Variants in SMYD3 observed in about 807,000 individuals in gnomAD.
SMYD3 encodes the protein SET and MYND domain containing 3.
Under a neutral mutation model 57.7 loss-of-function variants are expected in SMYD3, and 36 were observed. That is an observed-to-expected ratio of 0.62 (90% CI 0.48 to 0.82). The LOEUF is 0.82. SMYD3 is among the 40% of genes least tolerant of loss of function. The pLI is 0.00. For synonymous variants in SMYD3, 211 were observed against 195.0 expected (o/e 1.08, Z -0.68); for missense variants, 515 against 538.8 (o/e 0.96, Z 0.44).
intron 5 of SMYD3, among the ~76,000 whole-genome samples, chr1:246,256,656 G>A (rs2063900219): frequency 1.3e-5 from 2 of 152,050 alleles, no homozygotes; most frequent in Non-Finnish European, 2.9e-5. Context: ...TAATTTCTGG[G>A]TCTCAATTTC....
At chr1:246,110,641 C>T (rs2061218402) in intron 5 of SMYD3, among the ~76,000 whole-genome samples, 1 of 152,224 alleles carries the variant, frequency 6.6e-6, no homozygotes, top group Non-Finnish European at 1.5e-5. Context: ...TCTTTGGGTG[C>T]AAGCACGCCT....
chr1:246,447,013 A>G (rs1388859599), intron 1 of SMYD3, among the ~76,000 whole-genome samples: 1 of 145,962 alleles, frequency 6.9e-6, no homozygotes, highest in Non-Finnish European at 1.5e-5. Flanking sequence ...TCGGTGACAG[A>G]GCCAGACTCC....
chr1:246,098,662 T>G (rs1370953172), intron 5 of SMYD3, among the ~76,000 whole-genome samples: 1 of 152,224 alleles, frequency 6.6e-6, no homozygotes, highest in East Asian at 1.9e-4. Context: ...ATTAACAAAA[T>G]TATGTTCATC....
At chr1:246,212,080 T>C (rs1286113082) in intron 5 of SMYD3, among the ~76,000 whole-genome samples, 1 of 152,052 alleles carries the variant, frequency 6.6e-6, no homozygotes, top group Non-Finnish European at 1.5e-5. Flanking sequence ...AAACACTCAA[T>C]ACTGGTAAGG....
intron 1 of SMYD3, among the ~76,000 whole-genome samples, chr1:246,504,581 T>C (rs74332128): frequency 0.01 from 1,533 of 152,354 alleles, 24 homozygotes; most frequent in African/African-American, 0.034. Flanking sequence ...ACTGTAATTA[T>C]CATCAATATC....
chr1:245,907,810 A>C (rs1558481649), intron 8 of SMYD3, among the ~76,000 whole-genome samples: 7 of 152,060 alleles, frequency 4.6e-5, no homozygotes. Flanking sequence ...TGCTGCCTAC[A>C]AAAAAAATCA....
intron 5 of SMYD3, among the ~76,000 whole-genome samples, chr1:245,931,469 G>C (rs777852047): frequency 2.0e-5 from 3 of 152,228 alleles, no homozygotes; most frequent in East Asian, 1.9e-4. Context: ...AATTTAACAG[G>C]AACAAATTTG....
At chr1:246,183,142 G>A (rs975307194) in intron 5 of SMYD3, among the ~76,000 whole-genome samples, 1 of 152,054 alleles carries the variant, frequency 6.6e-6, no homozygotes, top group African/African-American at 2.4e-5. Context: ...GGTAGCTAAA[G>A]TGTTTCACAT....
chr1:246,394,899 G>A (rs895479035), intron 1 of SMYD3, among the ~76,000 whole-genome samples: 1 of 148,416 alleles, frequency 6.7e-6, no homozygotes, highest in East Asian at 2.0e-4. Context: ...ACCCCCAAAC[G>A]TAGCTATGCT....
intron 8 of SMYD3, among the ~76,000 whole-genome samples, chr1:245,882,924 G>A (rs1220789916): frequency 6.6e-6 from 1 of 152,164 alleles, no homozygotes; most frequent in Non-Finnish European, 1.5e-5. Flanking sequence ...AGACTTATAT[G>A]GGCAAACTGT....
intron 1 of SMYD3, among the ~76,000 whole-genome samples, chr1:246,390,379 A>T (rs2066541297): frequency 6.6e-6 from 1 of 152,112 alleles, no homozygotes; most frequent in Admixed American, 6.6e-5. Context: ...TTCAGTGGAT[A>T]ACATATATAG....
At chr1:246,098,599 G>C (rs1343684959) in intron 5 of SMYD3, among the ~76,000 whole-genome samples, 1 of 151,962 alleles carries the variant, frequency 6.6e-6, no homozygotes, top group African/African-American at 2.4e-5. Flanking sequence ...CAAAATCTTA[G>C]AACTTTTTTG....
chr1:246,124,803 C>T (rs1425438719), intron 5 of SMYD3, among the ~76,000 whole-genome samples: 1 of 151,696 alleles, frequency 6.6e-6, no homozygotes, highest in African/African-American at 2.4e-5. Flanking sequence ...TCACCCCAGG[C>T]CACCCATGAC....
chr1:245,970,662 C>T (rs949204173), intron 5 of SMYD3, among the ~76,000 whole-genome samples: 3 of 152,106 alleles, frequency 2.0e-5, no homozygotes, highest in African/African-American at 7.2e-5. Context: ...AGACACTTCT[C>T]AAAAGAAGAC....
At chr1:246,442,849 A>G (rs1003243334) in intron 1 of SMYD3, among the ~76,000 whole-genome samples, 1 of 152,134 alleles carries the variant, frequency 6.6e-6, no homozygotes. Flanking sequence ...CTTGGGAGCC[A>G]GACTCTGGTA....
chr1:246,099,751 T>C (rs1359287856), intron 5 of SMYD3, among the ~76,000 whole-genome samples: 1 of 152,212 alleles, frequency 6.6e-6, no homozygotes, highest in Non-Finnish European at 1.5e-5. Flanking sequence ...GACCTTCTCA[T>C]GGCCTTTTAA....
chr1:246,299,107 T>C (rs993063556), intron 5 of SMYD3, among the ~76,000 whole-genome samples: 13 of 152,160 alleles, frequency 8.5e-5, no homozygotes, highest in African/African-American at 1.2e-4. Flanking sequence ...TAATTTATCC[T>C]ATGTAAAAAC....
intron 5 of SMYD3, among the ~76,000 whole-genome samples, chr1:246,319,043 T>C (rs1226298669): frequency 2.0e-5 from 3 of 152,258 alleles, no homozygotes; most frequent in Non-Finnish European, 4.4e-5. Flanking sequence ...CCAAGTGTCC[T>C]ACAAACATCA....
intron 5 of SMYD3, among the ~76,000 whole-genome samples, chr1:245,974,108 C>A (rs938501121): frequency 1.3e-5 from 2 of 152,146 alleles, no homozygotes; most frequent in African/African-American, 4.8e-5. Context: ...AGGCACCCTC[C>A]TTTCCTCTTC....
Sources: allele counts gnomAD v4.1 joint callset (sites outside exome capture counted in the v4.1 genomes callset), GRCh38; gene constraint gnomAD v4.1.1; transcripts MANE v1.5; gene names NCBI Gene and HGNC (gene_info 2026-07-23, HGNC 2026-07-21).